MOB3A: variants seen among roughly 807,000 people sequenced by gnomAD.
The protein encoded by MOB3A is MOB kinase activator 3A.
A neutral mutation model predicts 17.8 loss-of-function variants in MOB3A; 17 were observed. That is an observed-to-expected ratio of 0.95 (90% confidence interval 0.65 to 1.43). The LOEUF is 1.43. Ranked by LOEUF, MOB3A falls within the 40% of genes most tolerant of loss-of-function variation. The probability of loss-of-function intolerance (pLI) is 0.00; values close to 1 mark genes in which losing one functional copy is unlikely to be tolerated. For synonymous variants in MOB3A, 124 were observed against 133.2 expected (o/e 0.93, Z 0.48); for missense variants, 333 against 310.8 (o/e 1.07, Z -0.54).
chr19:2,080,536 C>T (rs1377558497), intron 2 of MOB3A, among the ~76,000 whole-genome samples: 1 of 152,082 alleles, frequency 6.6e-6, no homozygotes, highest in Non-Finnish European at 1.5e-5. Flanking sequence ...TGCAACCACA[C>T]CCAGCTAATT....
At chr19:2,096,508 G>T (rs984418339), upstream of MOB3A, 3 of 170,920 alleles carry the variant, frequency 1.8e-5, no homozygotes, top group South Asian at 4.2e-4. Context: ...GCAGCCCTGG[G>T]ATGCCCTGAG....
rs138583524 is a variant in MOB3A, at chr19:2,073,350, C to A, written c.*45G>T. 6.2e-7 allele frequency: 1 copy of A among 1,610,570 alleles called. No homozygotes were observed. The highest frequency in any genetic ancestry group is 2.2e-5 in the East Asian group (1 of 44,864). ...TCCAGAGCGTCCTCCTCCAAGTCTC[C>A]GAGGCCCCAGCGGCGGTTCGGGCAC... On this transcript the variant is annotated 3_prime_UTR_variant, in exon 5 of 5. Transcript: ENST00000357066.
In MOB3A at chr19:2,076,110, C is replaced by G. The variant is rs371015425; in HGVS notation, c.624+701G>C. The stretch of plus-strand genomic sequence containing the variant: ...TGCACTCCAGCCTGGGTGAGGGAGG[C>G]AGACTCCATCTCCAAAAAAAAAAAA... On this transcript the variant is annotated intron_variant, in intron 4 of 4. Transcript: ENST00000357066. Among the ~76,000 whole-genome samples the G allele has an allele frequency of 4.7e-4, 48 of 101,554 alleles. 1 individual carries two copies. The highest frequency in any genetic ancestry group is 1.5e-3 in the African/African-American group (39 of 25,196). 66.6% of individuals were successfully genotyped at this position (101,554 alleles called of 152,430 possible).
At chr19:2,094,674 G>C (rs557443705) in intron 1 of MOB3A, among the ~76,000 whole-genome samples, 5 of 152,340 alleles carry the variant, frequency 3.3e-5, no homozygotes, top group East Asian at 3.9e-4. Flanking sequence ...TTGGGACCAC[G>C]GCCTAGAGGG....
In MOB3A at chr19:2,085,184, G is replaced by C. The variant is rs1280462270; in HGVS notation, c.-129C>G. ...GCCGGGGGCAGGTTACCGTGTCTGGGGCTCCCTCCGCTCTGCTCTTCTCGG... is the reference window on the plus strand; with the variant it reads ...GCCGGGGGCAGGTTACCGTGTCTGGCGCTCCCTCCGCTCTGCTCTTCTCGG... On this transcript the variant is annotated 5_prime_UTR_variant, in exon 2 of 5. Coordinates refer to ENST00000357066, the MANE Select transcript of MOB3A (RefSeq NM_130807.3). 6.6e-6 allele frequency: 1 copy of C among 152,154 alleles called. No homozygotes were observed. Among genetic ancestry groups the C allele is most frequent in the East Asian group, 1.9e-4 (1 of 5,172 alleles). The allele number at this position is 152,154 out of a possible 1,614,324, so 9.4% of individuals were successfully genotyped here.
At chr19:2,073,629 C>T (rs1010178648) in intron 4 of MOB3A, among the ~76,000 whole-genome samples, 1 of 152,144 alleles carries the variant, frequency 6.6e-6, no homozygotes, top group African/African-American at 2.4e-5. Flanking sequence ...TCAGCATTTT[C>T]AGATCTGTGG....
rs567357960 is a variant in MOB3A at position 2,090,398 on chromosome 19, C to T, written c.-273-5070G>A. On this transcript the variant is annotated intron_variant, in intron 1 of 4. Transcript: ENST00000357066. ...CCCCCTGCCCCCACAGGCCTGAACACGGTGAAGATTCTGCCCCTCAACACC... is the reference window on the plus strand; with the variant it reads ...CCCCCTGCCCCCACAGGCCTGAACATGGTGAAGATTCTGCCCCTCAACACC... Among the ~76,000 whole-genome samples the T allele has an allele frequency of 1.1e-4, 17 of 152,286 alleles. No individual in the cohort carries two copies. In the South Asian group the frequency reaches 2.5e-3, roughly 22 times the overall value.
At chr19:2,088,613 C>T (rs1161501992) in intron 1 of MOB3A, among the ~76,000 whole-genome samples, 1 of 152,048 alleles carries the variant, frequency 6.6e-6, no homozygotes, top group African/African-American at 2.4e-5. Flanking sequence ...ACTACAGGTG[C>T]GCACCACCAC....
chr19:2,079,834 G>A (rs1015611383), intron 2 of MOB3A, among the ~76,000 whole-genome samples: 1 of 152,212 alleles, frequency 6.6e-6, no homozygotes, highest in African/African-American at 2.4e-5. Context: ...TCCACCCCAA[G>A]GCACCGTATA....
In MOB3A at chr19:2,093,162, T is replaced by C. The variant is rs996972178; in HGVS notation, c.-274+3064A>G. ...GGGAGGATACCTCCTTGGAAGGGAA[T>C]TTTTTTTTTTTTCGAGACGTTGTCT... On this transcript the variant is annotated intron_variant, in intron 1 of 4. Coordinates refer to ENST00000357066, the MANE Select transcript of MOB3A (RefSeq NM_130807.3). This position sits in a 1 kb window ranked among gnomAD's most constrained non-coding sequence, Gnocchi z 4.6. 1.4e-5 allele frequency among the ~76,000 whole-genome samples: 2 copies of C among 146,688 alleles called. No individual in the cohort carries two copies. The highest frequency in any genetic ancestry group is 2.5e-5 in the African/African-American group (1 of 40,180).
At chr19:2,073,990 C>G (rs778932752) in intron 4 of MOB3A, among the ~76,000 whole-genome samples, 1 of 150,776 alleles carries the variant, frequency 6.6e-6, no homozygotes, top group Non-Finnish European at 1.5e-5. Context: ...AAGATCGCGC[C>G]ACTGCACTCC....
At chr19:2,084,449 C>T (rs932374481) in intron 2 of MOB3A, among the ~76,000 whole-genome samples, 1 of 151,706 alleles carries the variant, frequency 6.6e-6, no homozygotes, top group African/African-American at 2.4e-5. Flanking sequence ...GAGCTGAGAT[C>T]ACGCCACTGC....
At chr19:2,088,498 C>T (rs1390594756) in intron 1 of MOB3A, among the ~76,000 whole-genome samples, 2 of 151,988 alleles carry the variant, frequency 1.3e-5, no homozygotes, top group African/African-American at 2.4e-5. Context: ...GATGGGGTCC[C>T]GCTGTGTTGC....
At chr19:2,090,909 A>G (rs1030790669) in intron 1 of MOB3A, among the ~76,000 whole-genome samples, 2 of 152,180 alleles carry the variant, frequency 1.3e-5, no homozygotes, top group Non-Finnish European at 2.9e-5. Flanking sequence ...TGATCCGCCC[A>G]CCTTGGCCTC....
chr19:2,084,758 T>G (rs2017531788), intron 2 of MOB3A, among the ~76,000 whole-genome samples: 1 of 151,952 alleles, frequency 6.6e-6, no homozygotes. Flanking sequence ...ACCCAGCTAA[T>G]TTTTGTACTT....
chr19:2,085,869 CAGG>C (rs1206143671), intron 1 of MOB3A, among the ~76,000 whole-genome samples: 3 of 140,484 alleles, frequency 2.1e-5, no homozygotes, highest in African/African-American at 5.4e-5. Context: ...GAGGCTGAGG[CAGG>C]AGAATGGCCT....
chr19:2,074,462 A>T (rs1026381358), intron 4 of MOB3A, among the ~76,000 whole-genome samples: 1 of 152,204 alleles, frequency 6.6e-6, no homozygotes, highest in Non-Finnish European at 1.5e-5. Flanking sequence ...CTGAGTATGC[A>T]ACTATTAATT....
At position 2,077,359 on chromosome 19, in the gene MOB3A, G is replaced by A. The variant is rs2017425728; in HGVS notation, c.422-346C>T. On this transcript the variant is annotated intron_variant, in intron 3 of 4. Transcript: ENST00000357066. ...AGAGGTTGAAGTGAGCCGAGATCGT[G>A]CCACTGCACTCCAGCCTGGGTGACA... 3.3e-5 allele frequency among the ~76,000 whole-genome samples: 5 copies of A among 151,818 alleles called. 1 individual carries two copies. In the South Asian group the frequency reaches 1.0e-3, roughly 32 times the overall value.
In MOB3A at chr19:2,073,336, C is replaced by G. The variant is rs373455207; in HGVS notation, c.*59G>C. 6 of 1,600,604 alleles carry G rather than the reference C, an allele frequency of 3.7e-6. No homozygotes were observed. The highest frequency in any genetic ancestry group is 1.1e-5 in the South Asian group (1 of 90,840). ...AGCGGGATGATGGTTCCAGAGCGTC[C>G]TCCTCCAAGTCTCCGAGGCCCCAGC... On this transcript the variant is annotated 3_prime_UTR_variant, in exon 5 of 5. Coordinates refer to ENST00000357066, the MANE Select transcript of MOB3A (RefSeq NM_130807.3).
Sources: allele counts gnomAD v4.1 joint callset (sites outside exome capture counted in the v4.1 genomes callset), GRCh38; gene constraint gnomAD v4.1.1; non-coding constraint Gnocchi (gnomAD v3.1); transcripts MANE v1.5; gene names NCBI Gene and HGNC (gene_info 2026-07-23, HGNC 2026-07-21).